The following KCNG3 variants were observed in gnomAD, a reference collection of about 807,000 sequenced individuals.
KCNG3 encodes potassium voltage-gated channel modifier subfamily G member 3.
A neutral mutation model predicts 29.0 loss-of-function variants in KCNG3; 15 were observed. The observed-to-expected ratio is 0.52, with a 90% CI of 0.35 to 0.80. The LOEUF is 0.80. KCNG3 is among the 30% of genes least tolerant of loss of function. KCNG3 has a pLI of 0.01. For synonymous variants in KCNG3, 322 were observed against 248.9 expected (o/e 1.29, Z -2.76); for missense variants, 512 against 605.7 (o/e 0.85, Z 1.62).
the KCNG3 span, among the ~76,000 whole-genome samples, chr2:42,426,433 C>T: frequency 6.6e-6 from 1 of 152,192 alleles, no homozygotes. Flanking sequence ...TGATACAGTA[C>T]ATCTGATCCT....
chr2:42,474,224 G>C (rs553244248), intron 1 of KCNG3, among the ~76,000 whole-genome samples: 2 of 150,988 alleles, frequency 1.3e-5, no homozygotes, highest in South Asian at 2.1e-4. Flanking sequence ...GTTCATCTCG[G>C]AGAGAAAAAA....
At chr2:42,488,062 C>T (rs971253998) in intron 1 of KCNG3, among the ~76,000 whole-genome samples, 5 of 152,004 alleles carry the variant, frequency 3.3e-5, no homozygotes, top group African/African-American at 9.7e-5. Flanking sequence ...AAATGACAAA[C>T]CAAAAACTAG....
intron 1 of KCNG3, among the ~76,000 whole-genome samples, chr2:42,448,030 C>T (rs1442943788): frequency 6.6e-6 from 1 of 152,194 alleles, no homozygotes; most frequent in African/African-American, 2.4e-5. Flanking sequence ...CCCACGGCCT[C>T]ACTAATGTAA....
rs1376478184 is a variant in KCNG3, at chr2:42,443,174, G to C, written c.*760C>G. ...AAATATTAGGACAGTTATCACCTAG[G>C]AACAGCAATGAATTCAAATATTATC... On this transcript the variant is annotated 3_prime_UTR_variant, in exon 2 of 2. Transcript: ENST00000306078. 6.6e-6 allele frequency: 1 copy of C among 152,054 alleles called. No individual in the cohort carries two copies. The highest frequency in any genetic ancestry group is 2.4e-5 in the African/African-American group (1 of 41,424). 9.4% of individuals were successfully genotyped at this position (152,054 alleles called of 1,614,324 possible). A position where few individuals can be genotyped will look rare whatever the true frequency, so the allele number is the denominator to read the frequency against.
At chr2:42,489,481 A>G (rs713612) in intron 1 of KCNG3, among the ~76,000 whole-genome samples, 37,522 of 152,112 alleles carry the variant, frequency 0.25, 4,809 homozygotes, top group African/African-American at 0.32. Context: ...ATCTAATCCA[A>G]CTTAGGAGCC....
the KCNG3 span, among the ~76,000 whole-genome samples, chr2:42,398,694 C>A: frequency 1.3e-5 from 2 of 152,126 alleles, no homozygotes; most frequent in Admixed American, 6.6e-5. Flanking sequence ...CACAAAGATG[C>A]GAGAGGCAAG....
At chr2:42,490,472 T>C (rs775941515) in intron 1 of KCNG3, among the ~76,000 whole-genome samples, 1 of 152,196 alleles carries the variant, frequency 6.6e-6, no homozygotes, top group Non-Finnish European at 1.5e-5. Flanking sequence ...GTTTGGGCAG[T>C]GCACAACCTC....
chr2:42,486,277 A>G (rs1300997703), intron 1 of KCNG3, among the ~76,000 whole-genome samples: 1 of 152,230 alleles, frequency 6.6e-6, no homozygotes, highest in East Asian at 1.9e-4. Flanking sequence ...CATTAATGAC[A>G]TAATAACACC....
the KCNG3 span, among the ~76,000 whole-genome samples, chr2:42,419,522 G>C: frequency 6.6e-6 from 1 of 151,698 alleles, no homozygotes; most frequent in Non-Finnish European, 1.5e-5. Flanking sequence ...GATTACAGGC[G>C]TATCCCACCT....
Position 42,492,820 on chromosome 2 carries a change from G to C in KCNG3, c.665+17C>G, listed in dbSNP as rs1279758955. 6.8e-7 allele frequency: 1 copy of C among 1,464,386 alleles called. No homozygotes were observed. Among genetic ancestry groups the C allele is most frequent in the African/African-American group, 1.5e-5 (1 of 67,488 alleles). 90.7% of individuals were successfully genotyped at this position (1,464,386 alleles called of 1,614,324 possible). A position where few individuals can be genotyped will look rare whatever the true frequency, so the allele number is the denominator to read the frequency against. ...CGACAGGACGGACGGGACGGGTAGA[G>C]AAGCAGTGCGTCCTACCCGGAGGGC... On this transcript the variant is annotated intron_variant, in intron 1 of 1. Coordinates refer to ENST00000306078, the MANE Select transcript of KCNG3 (RefSeq NM_133329.6).
chr2:42,458,946 C>T (rs1672945461), intron 1 of KCNG3, among the ~76,000 whole-genome samples: 1 of 152,106 alleles, frequency 6.6e-6, no homozygotes, highest in Non-Finnish European at 1.5e-5. Context: ...CCTGAAATCC[C>T]AGCACTTTTT....
In KCNG3 at chr2:42,474,880, TG is replaced by T. The variant is rs148585761; in HGVS notation, c.665+17956del. ...ATGAATCCTTTGAAAGCAATAGGTTTGGGAGGAGCCAGCCTGCCTTACTCCA... is the reference window on the plus strand; with the variant it reads ...ATGAATCCTTTGAAAGCAATAGGTTTGGAGGAGCCAGCCTGCCTTACTCCA... On this transcript the variant is annotated intron_variant, in intron 1 of 1. Transcript: ENST00000306078. Among the ~76,000 whole-genome samples, 982 of 152,244 alleles carry T rather than the reference TG, an allele frequency of 6.5e-3. 8 individuals carry two copies. The highest frequency in any genetic ancestry group is 0.023 in the African/African-American group (945 of 41,546).
At chr2:42,467,906 G>A (rs1331713391) in intron 1 of KCNG3, among the ~76,000 whole-genome samples, 1 of 151,378 alleles carries the variant, frequency 6.6e-6, no homozygotes, top group African/African-American at 2.4e-5. Context: ...GAGAGATTGA[G>A]GCTGCAGTGA....
At chr2:42,414,251 G>T in the KCNG3 span, among the ~76,000 whole-genome samples, 2 of 152,086 alleles carry the variant, frequency 1.3e-5, no homozygotes, top group African/African-American at 4.8e-5. Flanking sequence ...TTTCAGTGAA[G>T]GTCTGTTGGT....
the KCNG3 span, among the ~76,000 whole-genome samples, chr2:42,396,789 T>G: frequency 6.6e-6 from 1 of 152,196 alleles, no homozygotes; most frequent in South Asian, 2.1e-4. Context: ...TGAAAACTGA[T>G]GGATGGGTAG....
chr2:42,463,665 AT>A lies in KCNG3; in HGVS notation c.666-19087del, dbSNP rs563467909. On this transcript the variant is annotated intron_variant, in intron 1 of 1. Coordinates refer to ENST00000306078, the MANE Select transcript of KCNG3 (RefSeq NM_133329.6). Reference sequence around the variant, plus strand: ...TGCCTATAGCAGTTTTGATTTTAGCATTTTTTCCCCCCAGCATTAGGTGACA... The same window carrying A: ...TGCCTATAGCAGTTTTGATTTTAGCATTTTTCCCCCCAGCATTAGGTGACA... 4.0e-3 allele frequency: 707 copies of A among 175,536 alleles called. 5 individuals are homozygous for A. Among genetic ancestry groups the A allele is most frequent in the African/African-American group, 0.014 (572 of 41,518 alleles). 10.9% of individuals were successfully genotyped at this position (175,536 alleles called of 1,614,324 possible). A position where few individuals can be genotyped will look rare whatever the true frequency, so the allele number is the denominator to read the frequency against.
chr2:42,395,239 G>A, the KCNG3 span, among the ~76,000 whole-genome samples: 67 of 152,314 alleles, frequency 4.4e-4, no homozygotes, highest in African/African-American at 1.5e-3. Flanking sequence ...GAAAGCACAT[G>A]GAGAAGTGGT....
chr2:42,449,697 C>T (rs1236749490), intron 1 of KCNG3, among the ~76,000 whole-genome samples: 3 of 151,836 alleles, frequency 2.0e-5, no homozygotes, highest in Admixed American at 6.6e-5. Context: ...GTGATCCACC[C>T]GCCTTGGCCT....
the KCNG3 span, chr2:42,424,687 C>T: frequency 1.3e-5 from 2 of 152,166 alleles, no homozygotes; most frequent in Non-Finnish European, 2.9e-5. Context: ...ATTAATAGCA[C>T]ATAAGTGTTA....
Sources: gnomAD v4.1 joint callset for allele counts (sites outside exome capture counted in the v4.1 genomes callset) on GRCh38, gnomAD v4.1.1 for gene constraint, MANE v1.5 for transcripts, NCBI Gene and HGNC (gene_info 2026-07-23, HGNC 2026-07-21) for gene names.